The following PTK2B variants were observed in gnomAD, a reference collection of about 807,000 sequenced individuals.
The protein encoded by PTK2B is protein tyrosine kinase 2 beta.
PTK2B carries 71 observed loss-of-function variants against 142.9 expected under a neutral mutation model. That is an observed-to-expected ratio of 0.50 (90% confidence interval 0.41 to 0.61). The LOEUF is 0.61. Among genes scored for constraint, PTK2B ranks in the 20% least tolerant of loss-of-function variants. PTK2B has a pLI of 0.00. For synonymous variants in PTK2B, 519 were observed against 503.4 expected (o/e 1.03, Z -0.42); for missense variants, 1,105 against 1,320.4 (o/e 0.84, Z 2.53).
At position 27,437,380 on chromosome 8, in the gene PTK2B, C is replaced by T; in HGVS notation, c.1427-16C>T. 1 of 1,603,442 alleles carries T rather than the reference C, an allele frequency of 6.2e-7. No individual in the cohort carries two copies. On this transcript the variant is annotated splice_polypyrimidine_tract_variant and intron_variant, in intron 16 of 30. Transcript: ENST00000346049. ...TGAGCCGCTCCACCTGTCCCTCTTGCCCCACCACACTGCAGTGATCATGAA... is the reference window on the plus strand; with the variant it reads ...TGAGCCGCTCCACCTGTCCCTCTTGTCCCACCACACTGCAGTGATCATGAA...
At chr8:27,432,043 T>C (rs979379317) in intron 9 of PTK2B, 5 of 507,954 alleles carry the variant, frequency 9.8e-6, no homozygotes, top group East Asian at 8.8e-5. Context: ...TTATGTGTGG[T>C]CCAAGACAAT....
intron 24 of PTK2B, 144 bp downstream of exon 24, chr8:27,446,063 T>C: frequency 5.5e-6 from 7 of 1,264,188 alleles, no homozygotes; most frequent in Non-Finnish European, 7.6e-6. Flanking sequence ...GAGGTGGCAC[T>C]CTGTGACTTC....
chr8:27,457,898 C>T (rs182795335), intron 30 of PTK2B, among the ~76,000 whole-genome samples: 11 of 150,050 alleles, frequency 7.3e-5, no homozygotes, highest in Non-Finnish European at 1.6e-4. Context: ...TTGTTTGAAC[C>T]CAGGAGGCGG....
chr8:27,355,401 G>A (rs192892940), intron 1 of PTK2B, among the ~76,000 whole-genome samples: 31 of 152,256 alleles, frequency 2.0e-4, no homozygotes, highest in South Asian at 2.1e-4. Flanking sequence ...GGAAGGAACC[G>A]CGAGCCAAAT....
chr8:27,371,556 T>TATAC (rs1291740313), intron 1 of PTK2B, among the ~76,000 whole-genome samples: 1 of 150,506 alleles, frequency 6.6e-6, no homozygotes, highest in Non-Finnish European at 1.5e-5. Flanking sequence ...TATATATATA[T>TATAC]ATATATTTTG....
At chr8:27,315,509 G>A (rs868764355) in intron 3 of PTK2B, among the ~76,000 whole-genome samples, 29 of 152,160 alleles carry the variant, frequency 1.9e-4, no homozygotes, top group African/African-American at 4.8e-4. Context: ...AGACTCTTAC[G>A]TCGTCTCATT....
At chr8:27,429,995 T>C (rs2132004776) in intron 5 of PTK2B, 98 bp from the exon 6 acceptor site, 3 of 1,076,004 alleles carry the variant, frequency 2.8e-6, no homozygotes, top group Non-Finnish European at 4.3e-6. Flanking sequence ...TTCCCACGTA[T>C]GGCAGGGGAA....
rs767364095 is a variant in PTK2B at position 27,433,480 on chromosome 8, G to A, written c.1033G>A (p.Ala345Thr). ...ATCCCTAGCAGAGGCTGAGAACATGGCTGACCTCATAGACGGCTACTGCCG... is the reference window on the plus strand; with the variant it reads ...ATCCCTAGCAGAGGCTGAGAACATGACTGACCTCATAGACGGCTACTGCCG... ...TSSLAEAENM[A>T]DLIDGYCRLQ... is the part of the protein sequence containing the mutation. The change falls in exon 11 of 31, where the codon GCT becomes ACT. Residue 345 changes from alanine (A) to threonine (T), a missense_variant. Transcript: ENST00000346049. 6.8e-6 allele frequency: 11 copies of A among 1,614,096 alleles called. No homozygotes were observed. The highest frequency in any genetic ancestry group is 9.3e-6 in the Non-Finnish European group (11 of 1,180,028).
chr8:27,350,950 T>C (rs1805017751), intron 1 of PTK2B, among the ~76,000 whole-genome samples: 1 of 117,212 alleles, frequency 8.5e-6, no homozygotes, highest in Non-Finnish European at 1.7e-5. Flanking sequence ...CATTCCAGCC[T>C]GGGGGACAGA....
chr8:27,330,510 C>T (rs971595472), intron 1 of PTK2B, among the ~76,000 whole-genome samples: 3 of 152,102 alleles, frequency 2.0e-5, no homozygotes, highest in East Asian at 1.9e-4. Context: ...AATGCCCAGC[C>T]GGCACTGAAG....
upstream of PTK2B, chr8:27,325,537 A>C (rs1335695781): frequency 6.6e-6 from 1 of 152,412 alleles, no homozygotes. Flanking sequence ...AGGAGGGAGA[A>C]TCTAACCTGT....
At chr8:27,420,186 C>G in intron 3 of PTK2B, 113 bp downstream of exon 3, 5 of 1,265,576 alleles carry the variant, frequency 4.0e-6, no homozygotes, top group Non-Finnish European at 5.5e-6. Flanking sequence ...TCTAGCAAAC[C>G]TGAGTGGCAT....
chr8:27,443,023 G>A, intron 22 of PTK2B, 40 bp downstream of exon 22: 1 of 1,514,674 alleles, frequency 6.6e-7, no homozygotes, highest in Non-Finnish European at 9.2e-7. Context: ...GTGAGTCAAA[G>A]CAAAGCCAGG....
chr8:27,397,770 T>A lies in PTK2B; in HGVS notation c.186T>A (p.Thr62=). The A allele has an allele frequency of 6.2e-7, 1 of 1,614,234 alleles. No homozygotes were observed. The change falls in exon 2 of 31, where the codon ACT becomes ACA. Residue 62 remains threonine (T), a synonymous_variant. Coordinates refer to ENST00000346049, the MANE Select transcript of PTK2B (RefSeq NM_173176.3). ...PGKNFKLVKC[T]VQTEIREIIT... ...AAAACTTCAAACTGGTCAAATGCAC[T>A]GTCCAGACGGAGATCCGGGTAAGTG...
intron 24 of PTK2B, among the ~76,000 whole-genome samples, chr8:27,446,352 G>C (rs1248867540): frequency 6.6e-6 from 1 of 152,188 alleles, no homozygotes; most frequent in Non-Finnish European, 1.5e-5. Context: ...TCTTGTGGCT[G>C]CTCCCCTTTC....
intron 1 of PTK2B, among the ~76,000 whole-genome samples, chr8:27,392,342 C>T (rs1807778551): frequency 6.9e-6 from 1 of 145,978 alleles, no homozygotes; most frequent in Admixed American, 6.9e-5. Context: ...GCACTACTGA[C>T]AGGAGGAGCA....
intron 2 of PTK2B, among the ~76,000 whole-genome samples, chr8:27,404,149 C>T (rs1384952271): frequency 1.3e-5 from 2 of 152,128 alleles, no homozygotes. Context: ...TGGTCACCTT[C>T]GTCTAAGGCC....
chr8:27,458,558 T>G lies in PTK2B; in HGVS notation c.*49T>G. Reference sequence around the variant, plus strand: ...GCGTCTTCCGCCCCTGCCTGCCATGTACCTCCCCTGCCTTGCTGTTGGTCA... The same window carrying G: ...GCGTCTTCCGCCCCTGCCTGCCATGGACCTCCCCTGCCTTGCTGTTGGTCA... On this transcript the variant is annotated 3_prime_UTR_variant, in exon 31 of 31. Transcript: ENST00000346049. The G allele has an allele frequency of 2.0e-6, 3 of 1,526,646 alleles. No individual in the cohort carries two copies. The highest frequency in any genetic ancestry group is 2.7e-6 in the Non-Finnish European group (3 of 1,130,350). The allele number at this position is 1,526,646 out of a possible 1,614,324, so 94.6% of individuals were successfully genotyped here. A position where few individuals can be genotyped will look rare whatever the true frequency, so the allele number is the denominator to read the frequency against.
chr8:27,316,293 G>GTTT (rs34431277), intron 3 of PTK2B, among the ~76,000 whole-genome samples: 2 of 142,846 alleles, frequency 1.4e-5, no homozygotes, highest in African/African-American at 5.1e-5. Context: ...AAATTGCCTT[G>GTTT]TTTTTTTTTT....
Sources: allele counts gnomAD v4.1 joint callset (sites outside exome capture counted in the v4.1 genomes callset), GRCh38; gene constraint gnomAD v4.1.1; transcripts MANE v1.5; gene names NCBI Gene and HGNC (gene_info 2026-07-23, HGNC 2026-07-21).